PLAUR: variants seen among roughly 807,000 people sequenced by gnomAD.
The protein encoded by PLAUR is urokinase plasminogen activator surface receptor.
In PLAUR, 22 loss-of-function variants were observed where a neutral mutation model predicts 33.4. That is an observed-to-expected ratio of 0.66 (90% CI 0.47 to 0.94). The LOEUF (loss-of-function observed/expected upper bound fraction) is 0.94. PLAUR is among the 40% of genes least tolerant of loss of function. The probability of loss-of-function intolerance (pLI) is 0.00; values close to 1 mark genes in which losing one functional copy is unlikely to be tolerated. For missense variants in PLAUR, 408 were observed against 434.7 expected (o/e 0.94, Z 0.55); for synonymous variants, 148 against 167.3 (o/e 0.88, Z 0.89).
chr19:43,650,852 G>C (rs1306441401), intron 6 of PLAUR, among the ~76,000 whole-genome samples: 1 of 151,592 alleles, frequency 6.6e-6, no homozygotes, highest in African/African-American at 2.4e-5. Context: ...GGCCAACATG[G>C]TGAAACCCCG....
At chr19:43,669,817 A>G (rs1048456380) in intron 1 of PLAUR, among the ~76,000 whole-genome samples, 2 of 151,306 alleles carry the variant, frequency 1.3e-5, no homozygotes, top group Non-Finnish European at 3.0e-5. Flanking sequence ...GTCAAAAAAA[A>G]AAAAAAAAAA....
chr19:43,652,186 C>A lies in PLAUR; in HGVS notation c.754+39G>T, dbSNP rs552451770. 1.9e-5 allele frequency: 30 copies of A among 1,610,422 alleles called. No homozygotes were observed. The East Asian group carries it at 6.5e-4, about 35-fold the overall frequency. On this transcript the variant is annotated intron_variant, in intron 6 of 6. Transcript: ENST00000340093. ...CAATCTCTTGCGGAACTCTCCACCCCCAATAAGTGTTCCCTCCCAGCCTCG... is the reference window on the plus strand; with the variant it reads ...CAATCTCTTGCGGAACTCTCCACCCACAATAAGTGTTCCCTCCCAGCCTCG...
chr19:43,653,001 C>T (rs1974060351), intron 5 of PLAUR, among the ~76,000 whole-genome samples: 1 of 151,678 alleles, frequency 6.6e-6, no homozygotes, highest in African/African-American at 2.4e-5. Context: ...TTTTTTGAGA[C>T]GGAGTCTTGC....
downstream of PLAUR, chr19:43,646,602 T>C (rs1973828514): frequency 7.0e-6 from 5 of 710,358 alleles, no homozygotes; most frequent in South Asian, 7.4e-5. Context: ...TTCCAGAACA[T>C]AGCACAGCAA....
chr19:43,650,018 GT>G (rs60220696), intron 6 of PLAUR, among the ~76,000 whole-genome samples: 35,486 of 138,876 alleles, frequency 0.26, 5,575 homozygotes, highest in African/African-American at 0.49. Context: ...CTTTTTTTTT[GT>G]TTTTTTTTTT....
At chr19:43,647,938 C>CATTTTTTTTTTTT (rs1555778381), downstream of PLAUR, among the ~76,000 whole-genome samples, 1 of 133,224 alleles carries the variant, frequency 7.5e-6, no homozygotes. Context: ...TTAGAGAGCC[C>CATTTTTTTTTTTT]TTTTTTTTTT....
At chr19:43,657,673 A>G (rs1475888274) in intron 3 of PLAUR, among the ~76,000 whole-genome samples, 1 of 152,134 alleles carries the variant, frequency 6.6e-6, no homozygotes, top group East Asian at 1.9e-4. Flanking sequence ...GGTGACAGGT[A>G]TGTCTCCTCT....
At chr19:43,660,285 T>C (rs4251851) in intron 3 of PLAUR, among the ~76,000 whole-genome samples, 17,416 of 151,374 alleles carry the variant, frequency 0.12, 1,085 homozygotes, top group East Asian at 0.23. Context: ...CCTGCCTCAG[T>C]CTCCCAAGTA....
chr19:43,666,191 T>A (rs560661723), intron 2 of PLAUR, among the ~76,000 whole-genome samples: 2 of 152,212 alleles, frequency 1.3e-5, no homozygotes, highest in East Asian at 3.9e-4. Flanking sequence ...GCCTCCTGAG[T>A]AGCTAGGGGT....
intron 4 of PLAUR, 94 bp downstream of exon 4, chr19:43,656,385 G>T: frequency 8.5e-7 from 1 of 1,181,228 alleles, no homozygotes; most frequent in Non-Finnish European, 1.2e-6. Context: ...TTAGTCCCTT[G>T]CTGACATCCC....
intron 1 of PLAUR, among the ~76,000 whole-genome samples, chr19:43,668,651 A>C (rs1232192126): frequency 6.5e-4 from 13 of 20,038 alleles, no homozygotes; most frequent in South Asian, 1.4e-3. Context: ...GCTCCTCCCC[A>C]AGCTTATAAC....
In PLAUR at chr19:43,656,492, C is replaced by T. The variant is rs1461210152; in HGVS notation, c.459G>A (p.Gln153=). The part of the protein sequence containing the change: ...QCLDVVTHWI[Q]EGEEGRPKDD... ...GTTGGGGCTCACCTTCTTCACCTTC[C>T]TGGATCCAGTGGGTCACCACATCCA... is the stretch of plus-strand genomic sequence containing the variant. Residue 153 remains glutamine, a synonymous_variant, in exon 4 of 7, where the codon CAG becomes CAA. Transcript: ENST00000340093. The T allele has an allele frequency of 6.3e-7, 1 of 1,594,596 alleles. No individual in the cohort carries two copies.
intron 5 of PLAUR, among the ~76,000 whole-genome samples, chr19:43,652,618 G>A (rs1476018817): frequency 6.6e-6 from 1 of 152,130 alleles, no homozygotes; most frequent in African/African-American, 2.4e-5. Context: ...AACTATGTAA[G>A]ATGAAACTGT....
At chr19:43,654,148 G>C (rs1227629950) in intron 5 of PLAUR, among the ~76,000 whole-genome samples, 1 of 151,522 alleles carries the variant, frequency 6.6e-6, no homozygotes, top group Non-Finnish European at 1.5e-5. Context: ...AATGTAGCTG[G>C]GTGCAATGAT....
At chr19:43,659,385 T>A (rs1226772446) in intron 3 of PLAUR, among the ~76,000 whole-genome samples, 1 of 152,106 alleles carries the variant, frequency 6.6e-6, no homozygotes, top group Non-Finnish European at 1.5e-5. Context: ...ACTCCTGGAC[T>A]CAAATGATCC....
In PLAUR at chr19:43,648,849, G is replaced by A; in HGVS notation, c.*41C>T. On this transcript the variant is annotated 3_prime_UTR_variant, in exon 7 of 7. Transcript: ENST00000340093. ...TGGGAGCCGAGGGAAGGGCAAAGGGGTCCCCCGGATCCAGCCAGGGCAGAG... is the reference window on the plus strand; with the variant it reads ...TGGGAGCCGAGGGAAGGGCAAAGGGATCCCCCGGATCCAGCCAGGGCAGAG... 1 of 1,584,430 alleles carries A rather than the reference G, an allele frequency of 6.3e-7. No homozygotes were observed. The highest frequency in any genetic ancestry group is 8.6e-7 in the Non-Finnish European group (1 of 1,159,654).
At chr19:43,668,255 C>T in intron 1 of PLAUR, 1 of 987,178 alleles carries the variant, frequency 1.0e-6, no homozygotes, top group Non-Finnish European at 1.2e-6. Context: ...ATCAGCCCTC[C>T]GGAGTTTCTA....
At chr19:43,658,113 T>G (rs958456090) in intron 3 of PLAUR, among the ~76,000 whole-genome samples, 6 of 151,926 alleles carry the variant, frequency 3.9e-5, no homozygotes, top group African/African-American at 1.5e-4. Flanking sequence ...GAAATGATGG[T>G]GTATGCCTTC....
intron 2 of PLAUR, among the ~76,000 whole-genome samples, 165 bp from the exon 3 acceptor site, chr19:43,665,624 C>A: frequency 7.0e-6 from 1 of 143,826 alleles, no homozygotes; most frequent in Non-Finnish European, 1.5e-5. Flanking sequence ...TGCCTCCACC[C>A]CCACCCCAAC....
Sources: allele counts gnomAD v4.1 joint callset (sites outside exome capture counted in the v4.1 genomes callset), GRCh38; gene constraint gnomAD v4.1.1; transcripts MANE v1.5; gene names NCBI Gene and HGNC (gene_info 2026-07-23, HGNC 2026-07-21).